Variants in DACH2 observed in about 807,000 individuals in gnomAD.
DACH2 encodes dachshund family transcription factor 2.
Under a neutral mutation model 35.8 loss-of-function variants are expected in DACH2, and 17 were observed. The ratio of observed to expected loss-of-function variants is 0.48; its 90% confidence interval spans 0.33 to 0.71. The LOEUF (loss-of-function observed/expected upper bound fraction) is 0.71. Among genes scored for constraint, DACH2 ranks in the 30% least tolerant of loss-of-function variants. The probability of loss-of-function intolerance (pLI) is 0.02; values close to 1 mark genes in which losing one functional copy is unlikely to be tolerated. For missense variants in DACH2, 469 were observed against 472.7 expected (o/e 0.99, Z 0.07); for synonymous variants, 195 against 177.3 (o/e 1.10, Z -0.79).
At chrX:86,795,415 A>G (rs1793853947) in intron 7 of DACH2, among the ~76,000 whole-genome samples, 1 of 108,977 alleles carries the variant, frequency 9.2e-6, no homozygotes, top group Non-Finnish European at 1.9e-5. Context: ...TTGTATTTTT[A>G]GTAGAAACGG....
rs141950437 is a variant in DACH2, at chrX:86,718,735, G to A, written c.1104+4015G>A. On this transcript the variant is annotated intron_variant, in intron 6 of 11. Transcript: ENST00000373125. The stretch of plus-strand genomic sequence containing the variant: ...CCCAGCACCATTTGTTGAAAAGGGT[G>A]TCATTTCCCCAGTATATGTTCCTGT... Among the ~76,000 whole-genome samples the A allele has an allele frequency of 5.3e-3, 594 of 111,739 alleles. 5 individuals are homozygous for A. The highest frequency in any genetic ancestry group is 0.018 in the African/African-American group (554 of 30,804).
intron 1 of DACH2, among the ~76,000 whole-genome samples, chrX:86,361,776 C>T (rs965161704): frequency 7.2e-5 from 8 of 110,979 alleles, no homozygotes; most frequent in East Asian, 2.8e-4. Flanking sequence ...ACAAATATTT[C>T]GAAATGAAAA....
chrX:86,626,503 G>C (rs2040139308), intron 3 of DACH2, among the ~76,000 whole-genome samples: 1 of 112,809 alleles, frequency 8.9e-6, no homozygotes. Context: ...CAGTGCACTG[G>C]TGGGGACTCT....
At chrX:86,205,591 C>T (rs963386455) in intron 1 of DACH2, among the ~76,000 whole-genome samples, 1 of 100,506 alleles carries the variant, frequency 9.9e-6, no homozygotes. Flanking sequence ...AAGACAAGGT[C>T]TTGCTGTCAC....
At chrX:86,482,638 T>C (rs1010678447) in intron 2 of DACH2, among the ~76,000 whole-genome samples, 3 of 107,667 alleles carry the variant, frequency 2.8e-5, no homozygotes, top group Non-Finnish European at 5.7e-5. Context: ...GTTGAACTAG[T>C]TTACAGTCCC....
chrX:86,400,560 G>C (rs933515899), intron 2 of DACH2, among the ~76,000 whole-genome samples: 7 of 111,691 alleles, frequency 6.3e-5, no homozygotes, highest in Admixed American at 1.9e-4. Context: ...GGTTTTTGGT[G>C]TGGATGTCCT....
intron 1 of DACH2, among the ~76,000 whole-genome samples, chrX:86,192,679 A>T (rs1430515924): frequency 8.9e-6 from 1 of 112,485 alleles, no homozygotes; most frequent in African/African-American, 3.2e-5. Flanking sequence ...TCACTAATGT[A>T]TTTAGGATTA....
At chrX:86,442,131 G>T (rs1424447886) in intron 2 of DACH2, among the ~76,000 whole-genome samples, 2 of 110,196 alleles carry the variant, frequency 1.8e-5, no homozygotes, top group African/African-American at 6.6e-5. Flanking sequence ...GCTTCCCAAA[G>T]TCCTGGGATT....
chrX:86,702,062 A>T (rs1161190007), intron 5 of DACH2, among the ~76,000 whole-genome samples: 2 of 111,937 alleles, frequency 1.8e-5, no homozygotes, highest in African/African-American at 6.5e-5. Context: ...AATCAAAATT[A>T]TATGAAATAT....
At chrX:86,207,511 A>T (rs1057258777) in intron 1 of DACH2, among the ~76,000 whole-genome samples, 26 of 111,187 alleles carry the variant, frequency 2.3e-4, no homozygotes, top group African/African-American at 8.1e-4. Flanking sequence ...GTATCAAAAT[A>T]TGTTGTGTAC....
rs1165739398 is a variant in DACH2, at chrX:86,531,869, AG to A, written c.640+17479del. Among the ~76,000 whole-genome samples the A allele has an allele frequency of 5.3e-5, 6 of 112,970 alleles. No homozygotes were observed. In the South Asian group the frequency reaches 1.8e-3, roughly 34 times the overall value. ...CAGGCACTCAATGCCAGCCCTTGAA[AG>A]CAACTGCTCAGGCTGTACCCTGCTG... On this transcript the variant is annotated intron_variant, in intron 3 of 11. Coordinates refer to ENST00000373125, the MANE Select transcript of DACH2 (RefSeq NM_053281.3).
chrX:86,811,030 T>C (rs186126542), intron 7 of DACH2, among the ~76,000 whole-genome samples: 1 of 112,325 alleles, frequency 8.9e-6, no homozygotes, highest in African/African-American at 3.2e-5. Flanking sequence ...GTTATTCTCA[T>C]AGCTTTCTGT....
chrX:86,717,747 A>AATATATAT lies in DACH2; in HGVS notation c.1104+3037_1104+3044dup, dbSNP rs3071844. On this transcript the variant is annotated intron_variant, in intron 6 of 11. Coordinates refer to ENST00000373125, the MANE Select transcript of DACH2 (RefSeq NM_053281.3). The stretch of plus-strand genomic sequence containing the variant: ...CGGTGACATGTGCCTTATTATATAT[A>AATATATAT]ATATATATATATATATACATATATA... Among the ~76,000 whole-genome samples the AATATATAT allele has an allele frequency of 4.6e-3, 452 of 98,497 alleles. 6 individuals are homozygous for AATATATAT. The highest frequency in any genetic ancestry group is 0.013 in the African/African-American group (346 of 27,155). The allele number at this position is 98,497 out of a possible 115,157, so 85.5% of individuals were successfully genotyped here. A position where few individuals can be genotyped will look rare whatever the true frequency, so the allele number is the denominator to read the frequency against.
chrX:86,640,711 C>A (rs776718017), intron 3 of DACH2, among the ~76,000 whole-genome samples: 4 of 110,865 alleles, frequency 3.6e-5, no homozygotes. Flanking sequence ...TTTCAGAGCA[C>A]GAGAGGGAAC....
chrX:86,237,488 G>C (rs971119450), intron 1 of DACH2, among the ~76,000 whole-genome samples: 1 of 111,031 alleles, frequency 9.0e-6, no homozygotes, highest in African/African-American at 3.3e-5. Context: ...CACATCGACA[G>C]CTATGACATT....
chrX:86,335,371 C>A (rs916764027), intron 1 of DACH2, among the ~76,000 whole-genome samples: 1 of 111,955 alleles, frequency 8.9e-6, no homozygotes, highest in Admixed American at 9.5e-5. Flanking sequence ...AATACTGATT[C>A]TTCCTATCCA....
At chrX:86,188,448 G>A (rs759668947) in intron 1 of DACH2, among the ~76,000 whole-genome samples, 1 of 111,775 alleles carries the variant, frequency 8.9e-6, no homozygotes, top group Middle Eastern at 4.2e-3. Flanking sequence ...GATATCAGTT[G>A]TTATCTTTAA....
At chrX:86,380,205 A>G (rs1250700595) in intron 2 of DACH2, among the ~76,000 whole-genome samples, 1 of 110,468 alleles carries the variant, frequency 9.1e-6, no homozygotes, top group Non-Finnish European at 1.9e-5. Context: ...ACTCTATAAG[A>G]TAGGTGCTGC....
intron 7 of DACH2, among the ~76,000 whole-genome samples, chrX:86,758,477 C>T (rs1467166343): frequency 2.7e-5 from 3 of 111,831 alleles, no homozygotes; most frequent in Non-Finnish European, 5.6e-5. Flanking sequence ...ATTTCTTTCT[C>T]GACCCAATTG....
Sources: allele counts gnomAD v4.1 joint callset (sites outside exome capture counted in the v4.1 genomes callset), GRCh38; gene constraint gnomAD v4.1.1; transcripts MANE v1.5; gene names NCBI Gene and HGNC (gene_info 2026-07-23, HGNC 2026-07-21).